TOX3: variants seen among roughly 807,000 people sequenced by gnomAD.
The protein encoded by TOX3 is TOX high mobility group box family member 3, also known as CAG trinucleotide repeat-containing gene F9 protein.
Under a neutral mutation model 64.3 loss-of-function variants are expected in TOX3, and 22 were observed. The observed-to-expected ratio is 0.34, with a 90% confidence interval of 0.24 to 0.49. TOX3 has a LOEUF of 0.49. Among genes scored for constraint, TOX3 ranks in the 20% least tolerant of loss-of-function variants. The pLI is 0.99. For missense variants in TOX3, 661 were observed against 714.4 expected (o/e 0.93, Z 0.85); for synonymous variants, 291 against 273.6 (o/e 1.06, Z -0.63).
At chr16:52,465,938 T>C (rs934187931) in intron 2 of TOX3, among the ~76,000 whole-genome samples, 2 of 152,192 alleles carry the variant, frequency 1.3e-5, no homozygotes, top group Non-Finnish European at 2.9e-5. Context: ...TGCATTCTAA[T>C]AATGACCCCA....
At chr16:52,469,456 T>C (rs1445468877) in intron 1 of TOX3, among the ~76,000 whole-genome samples, 1 of 152,234 alleles carries the variant, frequency 6.6e-6, no homozygotes. Flanking sequence ...TCTGTGAGTA[T>C]AATAATCTAG....
At chr16:52,480,889 ATTTTAT>A (rs1961351515) in intron 1 of TOX3, among the ~76,000 whole-genome samples, 1 of 147,684 alleles carries the variant, frequency 6.8e-6, no homozygotes, top group Non-Finnish European at 1.5e-5. Flanking sequence ...TGCCGGGGCA[ATTTTAT>A]TCCTCAGGGG....
intron 1 of TOX3, among the ~76,000 whole-genome samples, chr16:52,503,689 C>G (rs1962069188): frequency 6.6e-6 from 1 of 152,102 alleles, no homozygotes; most frequent in African/African-American, 2.4e-5. Context: ...TTCTATAGAA[C>G]TTGTTATTCT....
intron 1 of TOX3, among the ~76,000 whole-genome samples, chr16:52,471,760 A>G (rs1003510539): frequency 5.3e-5 from 8 of 152,136 alleles, no homozygotes; most frequent in Non-Finnish European, 1.2e-4. Context: ...CCCTCTACAT[A>G]CTTTATTTCA....
At chr16:52,513,863 G>A (rs1962376431) in intron 1 of TOX3, among the ~76,000 whole-genome samples, 1 of 152,156 alleles carries the variant, frequency 6.6e-6, no homozygotes, top group Non-Finnish European at 1.5e-5. Flanking sequence ...AGAAGTTCAA[G>A]AAATAATAAT....
intron 1 of TOX3, among the ~76,000 whole-genome samples, chr16:52,530,346 T>A (rs1207337900): frequency 6.6e-6 from 1 of 151,974 alleles, no homozygotes; most frequent in African/African-American, 2.4e-5. Context: ...CCCCACTTTT[T>A]TTTTTTTTGA....
At position 52,439,698 on chromosome 16, in the gene TOX3, C is replaced by T. The variant is rs756186491; in HGVS notation, c.1258G>A (p.Gly420Arg). 17 of 1,613,818 alleles carry T rather than the reference C, an allele frequency of 1.1e-5. No homozygotes were observed. The highest frequency in any genetic ancestry group is 1.4e-5 in the Non-Finnish European group (16 of 1,179,860). ...GGTGCTGAGCCAACCATGGTCGTTC[C>T]CATGGAGCTTATCAGTGGAGCCCCA... ...NIGAPLISSM[G>R]TTMVGSAPST... The change falls in exon 7 of 7, where the codon GGA becomes AGA. Residue 420 changes from glycine (G) to arginine (R), a missense_variant. By Grantham distance (125) the Gly-to-Arg change is moderately radical. Transcript: ENST00000219746.
chr16:52,519,339 A>C (rs913715145), intron 1 of TOX3: 6 of 1,460,696 alleles, frequency 4.1e-6, no homozygotes, highest in Admixed American at 2.2e-5. Context: ...AGACAAACTG[A>C]TAAAAGACAC....
chr16:52,521,034 T>C (rs1365123064), intron 1 of TOX3, among the ~76,000 whole-genome samples: 1 of 152,188 alleles, frequency 6.6e-6, no homozygotes, highest in Non-Finnish European at 1.5e-5. Flanking sequence ...ATCTATTTAA[T>C]TCTAGCAAAC....
At chr16:52,492,003 G>C (rs1961700325) in intron 1 of TOX3, among the ~76,000 whole-genome samples, 1 of 151,752 alleles carries the variant, frequency 6.6e-6, no homozygotes, top group Admixed American at 6.6e-5. Context: ...GCTTTTGCAG[G>C]ACTCCAATCT....
At chr16:52,449,839 T>C (rs1187656033) in intron 4 of TOX3, among the ~76,000 whole-genome samples, 1 of 152,238 alleles carries the variant, frequency 6.6e-6, no homozygotes, top group African/African-American at 2.4e-5. Flanking sequence ...AACTCAGCGA[T>C]AAACATCACC....
chr16:52,440,975 G>C (rs962487204), intron 6 of TOX3, among the ~76,000 whole-genome samples: 3 of 151,706 alleles, frequency 2.0e-5, no homozygotes, highest in Non-Finnish European at 4.4e-5. Context: ...TGTTAGCCAG[G>C]ATGGTCTTGA....
chr16:52,494,900 A>T (rs1961799085), intron 1 of TOX3, among the ~76,000 whole-genome samples: 1 of 152,220 alleles, frequency 6.6e-6, no homozygotes, highest in Non-Finnish European at 1.5e-5. Context: ...GTTTATGTCA[A>T]ATGGCTAGTA....
At chr16:52,489,440 A>T (rs1961615226) in intron 1 of TOX3, among the ~76,000 whole-genome samples, 1 of 152,126 alleles carries the variant, frequency 6.6e-6, no homozygotes. Flanking sequence ...AAGCCCATGG[A>T]CATGTCCCCC....
chr16:52,485,846 T>C (rs184652161), intron 1 of TOX3, among the ~76,000 whole-genome samples: 32 of 152,122 alleles, frequency 2.1e-4, no homozygotes, highest in African/African-American at 7.0e-4. Context: ...TTTGGAGTGT[T>C]TTCCCTGGAC....
intron 1 of TOX3, among the ~76,000 whole-genome samples, chr16:52,487,744 T>A (rs1490148406): frequency 2.6e-5 from 4 of 152,180 alleles, no homozygotes; most frequent in Non-Finnish European, 5.9e-5. Context: ...ACATGAAATA[T>A]TAACTGGGAA....
Position 52,546,917 on chromosome 16 carries a change from C to A in TOX3, c.-194G>T, listed in dbSNP as rs1297487035. The A allele has an allele frequency of 9.3e-7, 1 of 1,074,618 alleles. No homozygotes were observed. Among genetic ancestry groups the A allele is most frequent in the East Asian group, 5.8e-5 (1 of 17,196 alleles). 66.6% of individuals were successfully genotyped at this position (1,074,618 alleles called of 1,614,324 possible). A position where few individuals can be genotyped will look rare whatever the true frequency, so the allele number is the denominator to read the frequency against. On this transcript the variant is annotated 5_prime_UTR_variant, in exon 1 of 7. Transcript: ENST00000219746. ...CGCCGCACACAAAGGCGCGGCCACG[C>A]GAGCCGCGGGAGAGCGGGAGGCGGC...
intron 3 of TOX3, among the ~76,000 whole-genome samples, chr16:52,460,202 T>G (rs1960646433): frequency 6.6e-6 from 1 of 152,200 alleles, no homozygotes; most frequent in Admixed American, 6.5e-5. Flanking sequence ...ACTATAGCAT[T>G]TTCTATAAAT....
At chr16:52,444,183 T>C (rs2151741222) in intron 6 of TOX3, 93 bp downstream of exon 6, 1 of 977,152 alleles carries the variant, frequency 1.0e-6, no homozygotes, top group African/African-American at 1.6e-5. Context: ...TTCCATCAAC[T>C]TTTAGGGGAG....
Sources: allele counts gnomAD v4.1 joint callset (sites outside exome capture counted in the v4.1 genomes callset), GRCh38; gene constraint gnomAD v4.1.1; transcripts MANE v1.5; gene names NCBI Gene and HGNC (gene_info 2026-07-23, HGNC 2026-07-21).